Variants in PSIP1 observed in about 807,000 individuals in gnomAD.
The protein encoded by PSIP1 is PC4 and SFRS1-interacting protein.
In PSIP1, 19 loss-of-function variants were observed where a neutral mutation model predicts 74.7. The observed-to-expected ratio is 0.25, with a 90% confidence interval of 0.18 to 0.37. PSIP1 has a LOEUF of 0.37. Among genes scored for constraint, PSIP1 ranks in the 10% least tolerant of loss-of-function variants. The probability of loss-of-function intolerance (pLI) is 1.00; values close to 1 mark genes in which losing one functional copy is unlikely to be tolerated. For synonymous variants in PSIP1, 222 were observed against 195.3 expected, an observed-to-expected ratio of 1.14 and a Z score of -1.14; for missense variants, 601 against 614.3, an observed-to-expected ratio of 0.98 and a Z score of 0.23.
intron 6 of PSIP1, among the ~76,000 whole-genome samples, chr9:15,484,293 CAAA>C (rs35611448): frequency 1.3e-4 from 19 of 149,392 alleles, no homozygotes; most frequent in Admixed American, 2.0e-4. Context: ...CCATGTCTAT[CAAA>C]AAAAAAAATA....
rs1287403186 is a variant in PSIP1, at chr9:15,506,779, A to G, written c.73-142T>C. ...CAGGCCCATAATCTCCTATCCCCAA[A>G]TCTGAAACCCAAGAAGCTCTGAAAA... On this transcript the variant is annotated intron_variant, in intron 2 of 15. Coordinates refer to ENST00000380733, the MANE Select transcript of PSIP1 (RefSeq NM_033222.5). The G allele has an allele frequency of 1.0e-5, 6 of 594,134 alleles. No homozygotes were observed. The South Asian group carries it at 1.3e-4, about 13-fold the overall frequency. 36.8% of individuals were successfully genotyped at this position (594,134 alleles called of 1,614,324 possible).
intron 3 of PSIP1, among the ~76,000 whole-genome samples, 154 bp from the exon 4 acceptor site, chr9:15,490,278 C>T (rs1291706684): frequency 2.6e-5 from 4 of 152,176 alleles, no homozygotes; most frequent in Admixed American, 6.5e-5. Flanking sequence ...ATTCCAAATA[C>T]TTTTATTAAA....
chr9:15,480,497 C>T (rs1234054378), intron 6 of PSIP1, among the ~76,000 whole-genome samples: 1 of 152,098 alleles, frequency 6.6e-6, no homozygotes. Flanking sequence ...AAACATAATG[C>T]CCAGTGTTGA....
At chr9:15,478,812 T>G (rs1587480194) in intron 7 of PSIP1, among the ~76,000 whole-genome samples, 1 of 152,220 alleles carries the variant, frequency 6.6e-6, no homozygotes, top group Middle Eastern at 3.4e-3. Flanking sequence ...CATTTTTCAC[T>G]ATCGTTTTAA....
intron 9 of PSIP1, among the ~76,000 whole-genome samples, chr9:15,473,650 C>T (rs1025017170): frequency 2.0e-5 from 3 of 151,994 alleles, no homozygotes; most frequent in African/African-American, 7.2e-5. Context: ...CCTGTAATCC[C>T]GGCACTTTGG....
At chr9:15,484,303 A>T (rs59386161) in intron 6 of PSIP1, among the ~76,000 whole-genome samples, 101,767 of 150,786 alleles carry the variant, frequency 0.67, 36,001 homozygotes, top group East Asian at 0.8. Flanking sequence ...CAAAAAAAAA[A>T]ATATATATAT....
At chr9:15,486,556 A>G (rs1327062046) in intron 5 of PSIP1, among the ~76,000 whole-genome samples, 1 of 152,264 alleles carries the variant, frequency 6.6e-6, no homozygotes, top group Non-Finnish European at 1.5e-5. Flanking sequence ...TCTTTAAAAA[A>G]AATCCTTAAC....
At position 15,469,911 on chromosome 9, in the gene PSIP1, T is replaced by C. The variant is rs747548393; in HGVS notation, c.1033+27A>G. On this transcript the variant is annotated intron_variant, in intron 11 of 15. Transcript: ENST00000380733. ...AACTTCTTTTCCATGTATAATTTTA[T>C]GTATCTTAGAAAGTGAAATAACTAA... is the stretch of plus-strand genomic sequence containing the variant. 1.2e-5 allele frequency: 19 copies of C among 1,572,656 alleles called. No individual in the cohort carries two copies. In the South Asian group the frequency reaches 2.0e-4, roughly 17 times the overall value.
intron 6 of PSIP1, among the ~76,000 whole-genome samples, chr9:15,484,911 C>CAG (rs1491455812): frequency 3.7e-5 from 3 of 81,890 alleles, no homozygotes; most frequent in Admixed American, 3.1e-4. Context: ...AGATCCGTCT[C>CAG]AAAAAAAAAA....
chr9:15,481,316 T>A (rs572311148), intron 6 of PSIP1, among the ~76,000 whole-genome samples: 18 of 152,356 alleles, frequency 1.2e-4, no homozygotes, highest in African/African-American at 4.3e-4. Context: ...AATTCAGTTA[T>A]AACTGGTCAA....
At chr9:15,467,846 C>T (rs1049573140) in intron 14 of PSIP1, among the ~76,000 whole-genome samples, 3 of 152,118 alleles carry the variant, frequency 2.0e-5, no homozygotes, top group African/African-American at 2.4e-5. Flanking sequence ...TATCACCAGG[C>T]GCGGTGGCTC....
chr9:15,501,275 C>G (rs1340871146), intron 3 of PSIP1, among the ~76,000 whole-genome samples: 1 of 151,732 alleles, frequency 6.6e-6, no homozygotes, highest in Admixed American at 6.6e-5. Flanking sequence ...ACAAAGCTTT[C>G]AATCACCAAA....
chr9:15,489,459 G>C (rs1205913003), intron 4 of PSIP1: 5 of 151,060 alleles, frequency 3.3e-5, no homozygotes, highest in Admixed American at 3.3e-4. Flanking sequence ...AATACAAAAA[G>C]TTAGCCAGGC....
chr9:15,486,173 G>T, intron 5 of PSIP1, 105 bp from the exon 6 acceptor site: 1 of 938,322 alleles, frequency 1.1e-6, no homozygotes, highest in East Asian at 2.5e-5. Flanking sequence ...AAGCATTGGG[G>T]AAATCTGTTT....
intron 6 of PSIP1, among the ~76,000 whole-genome samples, chr9:15,484,911 CAAAA>C (rs59867087): frequency 3.7e-5 from 3 of 81,872 alleles, no homozygotes; most frequent in Non-Finnish European, 4.9e-5. Context: ...AGATCCGTCT[CAAAA>C]AAAAAAAAAA....
Position 15,465,448 on chromosome 9 carries a change from T to G in PSIP1, c.*72A>C. On this transcript the variant is annotated 3_prime_UTR_variant, in exon 16 of 16. Transcript: ENST00000380733. ...ACCTATGCTTATAAAAATTTAAAAC[T>G]TTCAGCAGTCTATTTCAAATGAAAA... The G allele has an allele frequency of 2.3e-6, 3 of 1,331,802 alleles. No homozygotes were observed. Among genetic ancestry groups the G allele is most frequent in the African/African-American group, 1.5e-5 (1 of 66,624 alleles). 82.5% of individuals were successfully genotyped at this position (1,331,802 alleles called of 1,614,324 possible). A position where few individuals can be genotyped will look rare whatever the true frequency, so the allele number is the denominator to read the frequency against.
At chr9:15,483,260 T>C (rs1422644099) in intron 6 of PSIP1, among the ~76,000 whole-genome samples, 1 of 152,186 alleles carries the variant, frequency 6.6e-6, no homozygotes, top group Non-Finnish European at 1.5e-5. Context: ...CCCTTACTCA[T>C]GCCTATGATT....
intron 9 of PSIP1, 113 bp from the exon 10 acceptor site, chr9:15,472,863 C>T (rs949237607): frequency 8.5e-6 from 8 of 936,036 alleles, no homozygotes; most frequent in African/African-American, 1.7e-5. Flanking sequence ...GGGATGAATA[C>T]TCAAATTAGC....
intron 3 of PSIP1, among the ~76,000 whole-genome samples, chr9:15,495,125 A>G (rs1294309380): frequency 6.6e-6 from 1 of 152,198 alleles, no homozygotes; most frequent in East Asian, 1.9e-4. Context: ...TTTACAATTT[A>G]AAATCCCCAA....
Sources: allele counts gnomAD v4.1 joint callset (sites outside exome capture counted in the v4.1 genomes callset), GRCh38; gene constraint gnomAD v4.1.1; transcripts MANE v1.5; gene names NCBI Gene and HGNC (gene_info 2026-07-23, HGNC 2026-07-21).